Variants in CARM1 observed in about 807,000 individuals in gnomAD.
CARM1 encodes histone-arginine methyltransferase CARM1.
A neutral mutation model predicts 72.7 loss-of-function variants in CARM1; 14 were observed. That is an observed-to-expected ratio of 0.19 (90% CI 0.13 to 0.30). The LOEUF (loss-of-function observed/expected upper bound fraction) is 0.30. CARM1 is among the 10% of genes least tolerant of loss of function. The pLI, the probability that CARM1 is intolerant of heterozygous loss-of-function variation, is 1.00. For missense variants in CARM1, 432 were observed against 833.7 expected, an observed-to-expected ratio of 0.52 and a Z score of 5.93; for synonymous variants, 333 against 345.5, an observed-to-expected ratio of 0.96 and a Z score of 0.40.
rs1443394403 is a variant in CARM1 at position 10,909,141 on chromosome 19, G to A, written c.492G>A (p.Gln164=). The change falls in exon 4 of 16, where the codon CAG becomes CAA. Residue 164 remains glutamine, a synonymous_variant. Transcript: ENST00000327064. ...TGTCCCAGCAGCAGAACATGATGCA[G>A]GACTACGTGCGGACAGGCACCTACC... ...GYLSQQQNMM[Q]DYVRTGTYQR... 1 of 1,613,840 alleles carries A rather than the reference G, an allele frequency of 6.2e-7. No individual in the cohort carries two copies. Among genetic ancestry groups the A allele is most frequent in the Non-Finnish European group, 8.5e-7 (1 of 1,179,856 alleles).
chr19:10,908,492 A>G (rs1475790611), intron 3 of CARM1: 1 of 242,708 alleles, frequency 4.1e-6, no homozygotes, highest in East Asian at 1.0e-4. Context: ...GCACAGAAGC[A>G]CTTGGACCCT....
At chr19:10,897,125 C>A (rs961672442) in intron 1 of CARM1, among the ~76,000 whole-genome samples, 2 of 152,314 alleles carry the variant, frequency 1.3e-5, no homozygotes, top group East Asian at 3.9e-4. Flanking sequence ...CTCTAGGAAG[C>A]GCAGAGACAT....
At chr19:10,879,246 T>G (rs1318667258) in intron 1 of CARM1, among the ~76,000 whole-genome samples, 3 of 152,188 alleles carry the variant, frequency 2.0e-5, no homozygotes, top group African/African-American at 7.2e-5. Flanking sequence ...CAGGTGTTTG[T>G]TAAGAAAGGT....
At chr19:10,878,892 T>C (rs966974264) in intron 1 of CARM1, among the ~76,000 whole-genome samples, 3 of 150,842 alleles carry the variant, frequency 2.0e-5, no homozygotes, top group African/African-American at 7.3e-5. Flanking sequence ...CTGCATCCTC[T>C]GCCTCCCGGG....
chr19:10,908,472 G>A (rs550015510), intron 3 of CARM1: 16 of 278,584 alleles, frequency 5.7e-5, no homozygotes, highest in South Asian at 5.4e-4. Flanking sequence ...TGGTCTAAGC[G>A]CTGTCACATG....
Position 10,916,614 on chromosome 19 carries a change from C to A in CARM1, c.939-82C>A. The A allele has an allele frequency of 7.1e-7, 1 of 1,406,052 alleles. No homozygotes were observed. The highest frequency in any genetic ancestry group is 2.4e-5 in the East Asian group (1 of 41,202). The allele number at this position is 1,406,052 out of a possible 1,614,324, so 87.1% of individuals were successfully genotyped here. A position where few individuals can be genotyped will look rare whatever the true frequency, so the allele number is the denominator to read the frequency against. ...CTGAAAGACTTGGGCTAGATGAGGG[C>A]TGACTGGGAGAGAAGGCAGGGCTAC... On this transcript the variant is annotated intron_variant, in intron 7 of 15. Transcript: ENST00000327064. The surrounding 1 kb of genome is among the most constrained non-coding windows in gnomAD (Gnocchi z 4.4).
At chr19:10,877,259 G>A (rs570692134) in intron 1 of CARM1, among the ~76,000 whole-genome samples, 4 of 152,252 alleles carry the variant, frequency 2.6e-5, no homozygotes, top group African/African-American at 4.8e-5. Flanking sequence ...CGGTGCCTGC[G>A]TGTGGCTAAT....
chr19:10,921,615 G>A lies in CARM1; in HGVS notation c.1685G>A (p.Gly562Glu), dbSNP rs770516074. 6.2e-7 allele frequency: 1 copy of A among 1,609,878 alleles called. No homozygotes were observed. The highest frequency in any genetic ancestry group is 1.1e-5 in the South Asian group (1 of 90,836). Residue 562 changes from glycine to glutamate, a missense_variant and splice_region_variant, in exon 16 of 16, where the codon GGG (glycine) becomes GAG (glutamate). Coordinates refer to ENST00000327064, the MANE Select transcript of CARM1 (RefSeq NM_199141.2). ...GSIMSTGIVQ[G>E]SSGAQGSGGG... ...CTCACTGCCATTGCCTGCTCCACAG[G>A]GTCCTCCGGCGCCCAGGGCAGTGGT... is the stretch of plus-strand genomic sequence containing the variant.
rs1248247569 is a variant in CARM1 at position 10,923,034 on chromosome 19, C to T, written c.*1277C>T. The T allele has an allele frequency of 2.5e-6, 1 of 401,970 alleles. No individual in the cohort carries two copies. The highest frequency in any genetic ancestry group is 4.4e-6 in the Non-Finnish European group (1 of 227,608). The allele number at this position is 401,970 out of a possible 1,614,324, so 24.9% of individuals were successfully genotyped here. A position where few individuals can be genotyped will look rare whatever the true frequency, so the allele number is the denominator to read the frequency against. On this transcript the variant is annotated 3_prime_UTR_variant, in exon 16 of 16. Coordinates refer to ENST00000327064, the MANE Select transcript of CARM1 (RefSeq NM_199141.2). ...CCGCCTTTATATAAATTCTCTGAAT[C>T]ACCTTTGCATAGAAAATAAAAGTGT...
intron 1 of CARM1, among the ~76,000 whole-genome samples, chr19:10,895,221 C>T (rs2145207506): frequency 6.6e-6 from 1 of 152,338 alleles, no homozygotes; most frequent in South Asian, 2.1e-4. Context: ...TCTCGTGCCT[C>T]AGCCTCCCAA....
At position 10,916,336 on chromosome 19, in the gene CARM1, C is replaced by T; in HGVS notation, c.848-71C>T. On this transcript the variant is annotated intron_variant, in intron 6 of 15. Transcript: ENST00000327064. The surrounding 1 kb of genome is among the most constrained non-coding windows in gnomAD (Gnocchi z 4.4). ...ACCCAGGGTTGGGGGTCTTGGGGTC[C>T]TTTGGAAGCTCTGCCAGGCAGTGTG... 1 of 1,070,578 alleles carries T rather than the reference C, an allele frequency of 9.3e-7. No individual in the cohort carries two copies. Among genetic ancestry groups the T allele is most frequent in the South Asian group, 1.3e-5 (1 of 77,654 alleles). 66.3% of individuals were successfully genotyped at this position (1,070,578 alleles called of 1,614,324 possible).
At chr19:10,874,389 T>A (rs2073846802) in intron 1 of CARM1, among the ~76,000 whole-genome samples, 1 of 152,018 alleles carries the variant, frequency 6.6e-6, no homozygotes, top group Admixed American at 6.6e-5. Context: ...TTATTTTTTT[T>A]ATTTTTATTT....
chr19:10,921,961 G>A lies in CARM1; in HGVS notation c.*204G>A, dbSNP rs1423625389. The A allele has an allele frequency of 1.7e-5, 9 of 526,950 alleles. No homozygotes were observed. Among genetic ancestry groups the A allele is most frequent in the Admixed American group, 1.1e-4 (3 of 27,636 alleles). The allele number at this position is 526,950 out of a possible 1,614,324, so 32.6% of individuals were successfully genotyped here. ...CACCTCCCGGCCCTGAGCGTGTGTC[G>A]CTGCCATATTTTACACAAAATCATG... On this transcript the variant is annotated 3_prime_UTR_variant, in exon 16 of 16. Coordinates refer to ENST00000327064, the MANE Select transcript of CARM1 (RefSeq NM_199141.2).
chr19:10,902,062 G>A (rs1447197762), intron 1 of CARM1, among the ~76,000 whole-genome samples: 2 of 151,900 alleles, frequency 1.3e-5, no homozygotes, highest in African/African-American at 4.8e-5. Context: ...TGACCAACAT[G>A]GTGAAACTCC....
At position 10,915,226 on chromosome 19, in the gene CARM1, C is replaced by T. The variant is rs1015934707; in HGVS notation, c.847+1172C>T. 1.3e-5 allele frequency among the ~76,000 whole-genome samples: 2 copies of T among 152,144 alleles called. No individual in the cohort carries two copies. Among genetic ancestry groups the T allele is most frequent in the African/African-American group, 4.8e-5 (2 of 41,418 alleles). The stretch of plus-strand genomic sequence containing the variant: ...TGTGAGTATGGGAAGCAAGGCTGCT[C>T]CAGGGGCTGTGGGCCCCACTCTCCT... On this transcript the variant is annotated intron_variant, in intron 6 of 15. Coordinates refer to ENST00000327064, the MANE Select transcript of CARM1 (RefSeq NM_199141.2). The surrounding 1 kb of genome is among the most constrained non-coding windows in gnomAD (Gnocchi z 4.6).
At chr19:10,911,175 G>A (rs955331772) in intron 4 of CARM1, among the ~76,000 whole-genome samples, 2 of 152,206 alleles carry the variant, frequency 1.3e-5, no homozygotes, top group African/African-American at 2.4e-5. Context: ...ACAGGTGTGA[G>A]CCGCCGCACC....
At chr19:10,908,014 C>T (rs374435445) in intron 2 of CARM1, 25 bp from the exon 3 acceptor site, 49 of 1,530,324 alleles carry the variant, frequency 3.2e-5, no homozygotes, top group East Asian at 6.7e-5. Context: ...GACCGCCCCC[C>T]GGTGACTTGG....
rs1460709570 is a variant in CARM1, at chr19:10,920,246, C to T, written c.1197-190C>T. Among the ~76,000 whole-genome samples the T allele has an allele frequency of 6.6e-6, 1 of 152,036 alleles. No homozygotes were observed. Among genetic ancestry groups the T allele is most frequent in the African/African-American group, 2.4e-5 (1 of 41,388 alleles). ...GTAGGGATCTCGTGGTTGCGGGCCCCTCGTGTGTACATGTATGCCTGCTCA... is the reference window on the plus strand; with the variant it reads ...GTAGGGATCTCGTGGTTGCGGGCCCTTCGTGTGTACATGTATGCCTGCTCA... On this transcript the variant is annotated intron_variant, in intron 10 of 15. Transcript: ENST00000327064. This position sits in a 1 kb window ranked among gnomAD's most constrained non-coding sequence, Gnocchi z 5.3.
chr19:10,907,923 C>T, intron 2 of CARM1, 116 bp from the exon 3 acceptor site: 1 of 673,472 alleles, frequency 1.5e-6, no homozygotes, highest in Non-Finnish European at 2.7e-6. Context: ...AAATCACCAG[C>T]CCTGTATGTT....
Sources: allele counts gnomAD v4.1 joint callset (sites outside exome capture counted in the v4.1 genomes callset), GRCh38; gene constraint gnomAD v4.1.1; non-coding constraint Gnocchi (gnomAD v3.1); transcripts MANE v1.5; gene names NCBI Gene and HGNC (gene_info 2026-07-23, HGNC 2026-07-21).